The following BRAT1 variants were observed in gnomAD, a reference collection of about 807,000 sequenced individuals.
BRAT1 encodes the protein integrator complex assembly factor BRAT1.
BRAT1 carries 74 observed loss-of-function variants against 70.6 expected under a neutral mutation model. That is an observed-to-expected ratio of 1.05 (90% CI 0.87 to 1.27). The LOEUF (loss-of-function observed/expected upper bound fraction) is 1.27, where lower values mean the gene tolerates loss of function less well. BRAT1 is among the 50% of genes most tolerant of loss of function. The pLI, the probability that BRAT1 is intolerant of heterozygous loss-of-function variation, is 0.00. For synonymous variants in BRAT1, 615 were observed against 517.1 expected (o/e 1.19, Z -2.57); for missense variants, 1,203 against 1,098.2 (o/e 1.10, Z -1.35).
intron 13 of BRAT1, 81 bp downstream of exon 13, chr7:2,539,098 G>T (rs1309917024): frequency 5.9e-6 from 9 of 1,512,762 alleles, no homozygotes; most frequent in Non-Finnish European, 8.0e-6. Context: ...CTGCATGCTG[G>T]CCGCTCGACC....
chr7:2,539,163 A>G lies in BRAT1; in HGVS notation c.1770+16T>C, dbSNP rs2128385812. 1.3e-6 allele frequency: 2 copies of G among 1,582,236 alleles called. No individual in the cohort carries two copies. The highest frequency in any genetic ancestry group is 1.7e-6 in the Non-Finnish European group (2 of 1,160,530). ...CCAGGCGGGAGTTGCTGGCTGAGGA[A>G]CCTGCCACCTCCTACCTGCCGGGCC... On this transcript the variant is annotated intron_variant, in intron 13 of 13. Coordinates refer to ENST00000340611, the MANE Select transcript of BRAT1 (RefSeq NM_152743.4).
intron 8 of BRAT1, 101 bp from the exon 9 acceptor site, chr7:2,541,585 A>C (rs1779168780): frequency 6.9e-7 from 1 of 1,458,938 alleles, no homozygotes; most frequent in African/African-American, 1.4e-5. Flanking sequence ...GACATCAGCC[A>C]AGGTTGTGGT....
intron 2 of BRAT1, among the ~76,000 whole-genome samples, chr7:2,549,345 C>T (rs755055485): frequency 1.3e-5 from 2 of 151,884 alleles, no homozygotes; most frequent in South Asian, 2.1e-4. Flanking sequence ...GGCATGGTGG[C>T]GCGCATCTAT....
At chr7:2,541,107 C>T (rs2128390325) in intron 9 of BRAT1, 55 bp from the exon 10 acceptor site, 4 of 1,490,954 alleles carry the variant, frequency 2.7e-6, no homozygotes, top group East Asian at 5.2e-5. Context: ...GGACCCTCCC[C>T]ATCAACTCTG....
At position 2,538,229 on chromosome 7, in the gene BRAT1, G is replaced by A. The variant is rs761877409; in HGVS notation, c.2306C>T (p.Pro769Leu). 5.0e-6 allele frequency: 8 copies of A among 1,609,768 alleles called. No homozygotes were observed. Among genetic ancestry groups the A allele is most frequent in the Non-Finnish European group, 6.8e-6 (8 of 1,178,410 alleles). The change falls in exon 14 of 14, where the codon CCT (proline) becomes CTT (leucine). Residue 769 changes from proline to leucine, a missense_variant. Physicochemically the swap from Pro to Leu is moderately conservative, Grantham distance 98 (BLOSUM62 -3). Coordinates refer to ENST00000340611, the MANE Select transcript of BRAT1 (RefSeq NM_152743.4). ...EQAQPPGDQEPEAVLAMLRSL... is the reference protein window; with the variant it reads ...EQAQPPGDQELEAVLAMLRSL... ...CCTGAGCATGGCCAGCACAGCCTCAGGCTCCTGGTCCCCTGGGGGCTGGGC... is the reference window on the plus strand; with the variant it reads ...CCTGAGCATGGCCAGCACAGCCTCAAGCTCCTGGTCCCCTGGGGGCTGGGC...
At position 2,538,004 on chromosome 7, in the gene BRAT1, TC is replaced by T; in HGVS notation, c.*64del. The T allele has an allele frequency of 6.8e-7, 1 of 1,468,564 alleles. No individual in the cohort carries two copies. The highest frequency in any genetic ancestry group is 9.0e-7 in the Non-Finnish European group (1 of 1,111,720). The allele number at this position is 1,468,564 out of a possible 1,614,324, so 91.0% of individuals were successfully genotyped here. A position where few individuals can be genotyped will look rare whatever the true frequency, so the allele number is the denominator to read the frequency against. ...GGCTGGAGCCCTGGGGCTGGCAGTGTCCCACAGAAGGACATGGTGCTGCCTC... is the reference window on the plus strand; with the variant it reads ...GGCTGGAGCCCTGGGGCTGGCAGTGTCCACAGAAGGACATGGTGCTGCCTC... On this transcript the variant is annotated 3_prime_UTR_variant, in exon 14 of 14. Coordinates refer to ENST00000340611, the MANE Select transcript of BRAT1 (RefSeq NM_152743.4).
At chr7:2,548,694 G>T (rs1166311823) in intron 2 of BRAT1, among the ~76,000 whole-genome samples, 1 of 150,278 alleles carries the variant, frequency 6.7e-6, no homozygotes, top group Non-Finnish European at 1.5e-5. Context: ...GGGGCGTGGT[G>T]GCTCACGCCT....
intron 2 of BRAT1, 126 bp downstream of exon 2, chr7:2,554,179 G>A: frequency 3.8e-6 from 5 of 1,303,816 alleles, no homozygotes; most frequent in South Asian, 1.5e-5. Flanking sequence ...GTGAAGGAAA[G>A]ACATCTGATT....
chr7:2,546,910 G>A (rs572793980), intron 3 of BRAT1, among the ~76,000 whole-genome samples: 145 of 152,182 alleles, frequency 9.5e-4, no homozygotes, highest in African/African-American at 3.3e-3. Flanking sequence ...GCGCAGCTAC[G>A]ACTCCTGTCT....
rs1354899497 is a variant in BRAT1, at chr7:2,541,229, C to G, written c.1321+69G>C. The G allele has an allele frequency of 5.3e-6, 8 of 1,505,070 alleles. No individual in the cohort carries two copies. The African/African-American group carries it at 1.1e-4, about 21-fold the overall frequency. 93.2% of individuals were successfully genotyped at this position (1,505,070 alleles called of 1,614,324 possible). A position where few individuals can be genotyped will look rare whatever the true frequency, so the allele number is the denominator to read the frequency against. ...AGAGAGGGACAGCAGTTCCCGGGTG[C>G]CTCCGAGCAGAAAGGAGAGTGGGGG... On this transcript the variant is annotated intron_variant, in intron 9 of 13. Transcript: ENST00000340611.
At chr7:2,545,091 C>G (rs1187857727) in intron 3 of BRAT1, 35 bp from the exon 4 acceptor site, 1 of 1,458,910 alleles carries the variant, frequency 6.9e-7, no homozygotes, top group Non-Finnish European at 9.1e-7. Flanking sequence ...GGTGGCCAGG[C>G]GCAGTGGCTG....
chr7:2,543,039 G>A lies in BRAT1; in HGVS notation c.923+165C>T. On this transcript the variant is annotated intron_variant, in intron 6 of 13. Transcript: ENST00000340611. The surrounding 1 kb of genome is among the most constrained non-coding windows in gnomAD (Gnocchi z 5.5). ...TTATTCTGTTGCTAAAGAACCTTCAGAAGCTGCCGCGCGCAACCCACGCAC... is the reference window on the plus strand; with the variant it reads ...TTATTCTGTTGCTAAAGAACCTTCAAAAGCTGCCGCGCGCAACCCACGCAC... 1 of 773,864 alleles carries A rather than the reference G, an allele frequency of 1.3e-6. No homozygotes were observed. The highest frequency in any genetic ancestry group is 2.0e-6 in the Non-Finnish European group (1 of 505,968). 47.9% of individuals were successfully genotyped at this position (773,864 alleles called of 1,614,324 possible). A position where few individuals can be genotyped will look rare whatever the true frequency, so the allele number is the denominator to read the frequency against.
intron 3 of BRAT1, among the ~76,000 whole-genome samples, chr7:2,546,781 TA>T (rs898014610): frequency 1.3e-5 from 2 of 152,090 alleles, no homozygotes; most frequent in African/African-American, 2.4e-5. Context: ...ATTAATTTTT[TA>T]AAAAAAAGAC....
At chr7:2,548,954 A>T (rs974362844) in intron 2 of BRAT1, among the ~76,000 whole-genome samples, 1 of 152,150 alleles carries the variant, frequency 6.6e-6, no homozygotes, top group African/African-American at 2.4e-5. Context: ...ACAGGGCAAG[A>T]CTCTGTCTCA....
At chr7:2,550,840 CATTT>C (rs1779953360) in intron 2 of BRAT1, among the ~76,000 whole-genome samples, 1 of 152,092 alleles carries the variant, frequency 6.6e-6, no homozygotes, top group African/African-American at 2.4e-5. Context: ...GAATTGGTAC[CATTT>C]ATTTATTTAT....
chr7:2,538,999 C>T (rs979336709), intron 13 of BRAT1, 180 bp downstream of exon 13: 13 of 1,435,164 alleles, frequency 9.1e-6, no homozygotes, highest in African/African-American at 7.2e-5. Flanking sequence ...AGACAGAAGG[C>T]GAAGCGCACA....
At position 2,537,828 on chromosome 7, in the gene BRAT1, T is replaced by C; in HGVS notation, c.*241A>G. ...ACTGGACCCTTGTCTCAGATCATTA[T>C]TATTAAATTAACTCAAAAAGGGTTA... On this transcript the variant is annotated 3_prime_UTR_variant, in exon 14 of 14. Transcript: ENST00000340611. The C allele has an allele frequency of 7.3e-6, 4 of 546,666 alleles. No individual in the cohort carries two copies. The highest frequency in any genetic ancestry group is 8.7e-6 in the Non-Finnish European group (3 of 346,212). 33.9% of individuals were successfully genotyped at this position (546,666 alleles called of 1,614,324 possible).
intron 2 of BRAT1, among the ~76,000 whole-genome samples, chr7:2,551,751 A>T (rs1780022169): frequency 6.6e-6 from 1 of 151,898 alleles, no homozygotes; most frequent in Non-Finnish European, 1.5e-5. Flanking sequence ...TTCAAATACC[A>T]AAACATCAAA....
At chr7:2,540,803 G>A in intron 10 of BRAT1, 176 bp downstream of exon 10, 3 of 583,516 alleles carry the variant, frequency 5.1e-6, no homozygotes, top group Non-Finnish European at 8.2e-6. Flanking sequence ...ACCAACAAGA[G>A]GCCCTGGGCC....
Sources: gnomAD v4.1 joint callset for allele counts (sites outside exome capture counted in the v4.1 genomes callset) on GRCh38, gnomAD v4.1.1 for gene constraint, Gnocchi (gnomAD v3.1) non-coding constraint, MANE v1.5 for transcripts, NCBI Gene and HGNC (gene_info 2026-07-23, HGNC 2026-07-21) for gene names.